The following NTM variants were observed in gnomAD, a reference collection of about 807,000 sequenced individuals.
The protein encoded by NTM is IgLON family member 2.
Under a neutral mutation model 42.1 loss-of-function variants are expected in NTM, and 13 were observed. The observed-to-expected ratio is 0.31, with a 90% CI of 0.20 to 0.49. The LOEUF is 0.49. Ranked by LOEUF, NTM falls within the 20% of genes least tolerant of loss-of-function variation. The probability of loss-of-function intolerance (pLI) is 0.99; values close to 1 mark genes in which losing one functional copy is unlikely to be tolerated. For missense variants in NTM, 373 were observed against 452.8 expected, an observed-to-expected ratio of 0.82 and a Z score of 1.60; for synonymous variants, 187 against 179.2, an observed-to-expected ratio of 1.04 and a Z score of -0.35.
intron 2 of NTM, among the ~76,000 whole-genome samples, chr11:132,023,580 T>C (rs2074683868): frequency 6.6e-6 from 1 of 152,176 alleles, no homozygotes; most frequent in South Asian, 2.1e-4. Flanking sequence ...TCTCTTTGCA[T>C]TTCCAGACTC....
rs575908589 is a variant in NTM, at chr11:132,150,031, G to T, written c.400+3517G>T. Reference sequence around the variant, plus strand: ...GGTAATTCACACACATAAAAAAGAGGTTTATTTGGCTCATGGTTCTGCAGC... The same window carrying T: ...GGTAATTCACACACATAAAAAAGAGTTTTATTTGGCTCATGGTTCTGCAGC... On this transcript the variant is annotated intron_variant, in intron 3 of 8. Transcript: ENST00000683400. 3.9e-5 allele frequency among the ~76,000 whole-genome samples: 6 copies of T among 152,254 alleles called. No homozygotes were observed. The South Asian group carries it at 6.2e-4, about 16-fold the overall frequency.
intron 1 of NTM, among the ~76,000 whole-genome samples, chr11:131,708,014 T>C (rs1687903619): frequency 6.6e-6 from 1 of 152,130 alleles, no homozygotes; most frequent in African/African-American, 2.4e-5. Flanking sequence ...CAGAGGAAAC[T>C]CTAAAGACTG....
intron 1 of NTM, among the ~76,000 whole-genome samples, chr11:131,785,306 G>A (rs1038264847): frequency 6.6e-6 from 1 of 152,078 alleles, no homozygotes; most frequent in Non-Finnish European, 1.5e-5. Flanking sequence ...GGCCAGCGTC[G>A]GATCAGAAGC....
rs145630150 is a variant in NTM, at chr11:131,921,365, A to G, written c.167+9717A>G. On this transcript the variant is annotated intron_variant, in intron 2 of 8. Coordinates refer to ENST00000683400, the MANE Select transcript of NTM (RefSeq NM_001352005.2). Reference sequence around the variant, plus strand: ...AGGCAGAGGCTGTAGTGATGCACCCACAAGCCAAGAAATGCCACAGATTGC... The same window carrying G: ...AGGCAGAGGCTGTAGTGATGCACCCGCAAGCCAAGAAATGCCACAGATTGC... Among the ~76,000 whole-genome samples the G allele has an allele frequency of 4.2e-3, 641 of 152,280 alleles. 3 individuals carry two copies. Among genetic ancestry groups the G allele is most frequent in the African/African-American group, 0.015 (613 of 41,556 alleles).
intron 2 of NTM, among the ~76,000 whole-genome samples, chr11:132,021,145 C>T (rs553909262): frequency 1.2e-4 from 18 of 152,160 alleles, no homozygotes; most frequent in African/African-American, 3.4e-4. Flanking sequence ...TCTGTCATCT[C>T]GAATCTGCTG....
chr11:132,295,121 CTCTG>C (rs1434432408), intron 4 of NTM, among the ~76,000 whole-genome samples: 1 of 151,942 alleles, frequency 6.6e-6, no homozygotes, highest in African/African-American at 2.4e-5. Flanking sequence ...CTCTCTCTCT[CTCTG>C]TCTCTCTCAC....
chr11:131,736,427 T>G (rs1352814343), intron 1 of NTM, among the ~76,000 whole-genome samples: 2 of 152,160 alleles, frequency 1.3e-5, no homozygotes, highest in Non-Finnish European at 2.9e-5. Context: ...TAGGTGCCTC[T>G]AAAAACCACA....
chr11:131,480,623 G>T (rs964704843), intron 1 of NTM, among the ~76,000 whole-genome samples: 4 of 152,180 alleles, frequency 2.6e-5, no homozygotes, highest in Admixed American at 6.5e-5. Context: ...TGATAAAAGG[G>T]ATTCCTATAG....
intron 1 of NTM, among the ~76,000 whole-genome samples, chr11:131,465,555 C>A (rs1591749142): frequency 6.6e-6 from 1 of 152,172 alleles, no homozygotes; most frequent in South Asian, 2.1e-4. Flanking sequence ...TGGGGTCTTT[C>A]ACCCCAGGCC....
intron 3 of NTM, among the ~76,000 whole-genome samples, chr11:132,148,979 C>T (rs1345870342): frequency 6.6e-6 from 1 of 152,074 alleles, no homozygotes; most frequent in South Asian, 2.1e-4. Flanking sequence ...GGCTAATTTT[C>T]GAATGCTGAT....
chr11:132,186,962 G>A (rs2078506288), intron 3 of NTM, among the ~76,000 whole-genome samples: 1 of 152,184 alleles, frequency 6.6e-6, no homozygotes, highest in Non-Finnish European at 1.5e-5. Context: ...GGCAGCCATA[G>A]CTCTATGAAT....
At chr11:131,467,828 A>G (rs556615956) in intron 1 of NTM, among the ~76,000 whole-genome samples, 1 of 152,340 alleles carries the variant, frequency 6.6e-6, no homozygotes, top group African/African-American at 2.4e-5. Flanking sequence ...TGACCTGGGA[A>G]GTTTCCAGAG....
chr11:132,044,488 T>C (rs2077704105), intron 2 of NTM, among the ~76,000 whole-genome samples: 1 of 152,158 alleles, frequency 6.6e-6, no homozygotes, highest in South Asian at 2.1e-4. Flanking sequence ...GGAGGACCCC[T>C]CTTCTGAATT....
intron 1 of NTM, among the ~76,000 whole-genome samples, chr11:131,708,563 T>C (rs1167683827): frequency 6.6e-6 from 1 of 152,182 alleles, no homozygotes; most frequent in Non-Finnish European, 1.5e-5. Flanking sequence ...GAAAAATATT[T>C]TTGTAAAAGA....
intron 1 of NTM, among the ~76,000 whole-genome samples, chr11:131,542,636 A>G (rs1307082387): frequency 2.0e-5 from 3 of 152,156 alleles, no homozygotes; most frequent in Non-Finnish European, 4.4e-5. Flanking sequence ...ACCCACATTT[A>G]TCAGCTCCCT....
rs1234278539 is a variant in NTM at position 131,379,933 on chromosome 11, T to C, written c.82+9045T>C. On this transcript the variant is annotated intron_variant, in intron 1 of 8. Transcript: ENST00000683400. ...CCCAGCATATTAGAGCCCAGCATAT[T>C]ATAGCTTCTCCTGATTCCAAATCCA... Among the ~76,000 whole-genome samples, 4 of 152,156 alleles carry C rather than the reference T, an allele frequency of 2.6e-5. No individual in the cohort carries two copies. The East Asian group carries it at 7.7e-4, about 29-fold the overall frequency.
At chr11:131,481,716 C>G (rs1953614686) in intron 1 of NTM, among the ~76,000 whole-genome samples, 2 of 152,224 alleles carry the variant, frequency 1.3e-5, no homozygotes, top group South Asian at 4.1e-4. Context: ...CTCTTGGCCT[C>G]CCCTTACCAT....
At chr11:131,551,267 A>C (rs953488208) in intron 1 of NTM, among the ~76,000 whole-genome samples, 1 of 152,228 alleles carries the variant, frequency 6.6e-6, no homozygotes, top group Non-Finnish European at 1.5e-5. Flanking sequence ...AGCAATCAGC[A>C]ATCACTTTAG....
rs114133387 is a variant in NTM at position 131,547,338 on chromosome 11, A to G, written c.82+176450A>G. 9.2e-3 allele frequency among the ~76,000 whole-genome samples: 1,408 copies of G among 152,314 alleles called. 22 individuals carry two copies. Among genetic ancestry groups the G allele is most frequent in the African/African-American group, 0.033 (1,356 of 41,564 alleles). On this transcript the variant is annotated intron_variant, in intron 1 of 8. Transcript: ENST00000683400. Reference sequence around the variant, plus strand: ...ATTTAACAAAAAGAGAAAAGGGGGTAGGAAAAAGGGGTTAATGAGCCAATC... The same window carrying G: ...ATTTAACAAAAAGAGAAAAGGGGGTGGGAAAAAGGGGTTAATGAGCCAATC...
Sources: allele counts gnomAD v4.1 joint callset (sites outside exome capture counted in the v4.1 genomes callset), GRCh38; gene constraint gnomAD v4.1.1; transcripts MANE v1.5; gene names NCBI Gene and HGNC (gene_info 2026-07-23, HGNC 2026-07-21).